MOSMO: variants seen among roughly 807,000 people sequenced by gnomAD.
MOSMO encodes modulator of smoothened.
A neutral mutation model predicts 18.4 loss-of-function variants in MOSMO; 5 were observed. That is an observed-to-expected ratio of 0.27 (90% CI 0.14 to 0.57). MOSMO has a LOEUF of 0.57. Among genes scored for constraint, MOSMO ranks in the 20% least tolerant of loss-of-function variants. The pLI is 0.92. For missense variants in MOSMO, 138 were observed against 211.8 expected (o/e 0.65, Z 2.16); for synonymous variants, 82 against 82.3 (o/e 1.00, Z 0.02).
chr16:22,073,798 G>C (rs988968869), intron 1 of MOSMO, among the ~76,000 whole-genome samples: 1 of 151,740 alleles, frequency 6.6e-6, no homozygotes, highest in Non-Finnish European at 1.5e-5. Flanking sequence ...TTTTTGTGAA[G>C]ATTTGTGTAC....
intron 1 of MOSMO, among the ~76,000 whole-genome samples, chr16:22,057,504 T>A (rs775880408): frequency 3.3e-5 from 5 of 152,240 alleles, no homozygotes; most frequent in Non-Finnish European, 5.9e-5. Flanking sequence ...AATTTTGGGT[T>A]GCACATTGAA....
intron 1 of MOSMO, among the ~76,000 whole-genome samples, chr16:22,061,788 A>T (rs963029404): frequency 6.6e-6 from 1 of 152,206 alleles, no homozygotes; most frequent in Non-Finnish European, 1.5e-5. Context: ...TTAGGAGATC[A>T]TGGCTACCAC....
At chr16:22,019,825 C>T (rs1899716379) in intron 1 of MOSMO, among the ~76,000 whole-genome samples, 1 of 152,118 alleles carries the variant, frequency 6.6e-6, no homozygotes, top group South Asian at 2.1e-4. Flanking sequence ...TTGGCACTCC[C>T]AGTCTTATCT....
chr16:22,026,451 T>C (rs1194302719), intron 1 of MOSMO, among the ~76,000 whole-genome samples: 1 of 152,118 alleles, frequency 6.6e-6, no homozygotes, highest in Non-Finnish European at 1.5e-5. Context: ...ACTCCTGACC[T>C]CAGGTGATCC....
At chr16:22,066,373 G>A (rs1161686413) in intron 1 of MOSMO, among the ~76,000 whole-genome samples, 1 of 152,180 alleles carries the variant, frequency 6.6e-6, no homozygotes, top group African/African-American at 2.4e-5. Context: ...TTGAGGAATA[G>A]AATGTCCATA....
At chr16:22,023,075 C>G (rs1376014356) in intron 1 of MOSMO, among the ~76,000 whole-genome samples, 1 of 152,112 alleles carries the variant, frequency 6.6e-6, no homozygotes, top group African/African-American at 2.4e-5. Context: ...ATGTGAGACT[C>G]TGTTTTTTTA....
chr16:22,066,385 G>A (rs531119937), intron 1 of MOSMO, among the ~76,000 whole-genome samples: 3 of 152,282 alleles, frequency 2.0e-5, no homozygotes, highest in African/African-American at 7.2e-5. Flanking sequence ...ATGTCCATAG[G>A]AGTCTTTGAA....
chr16:22,033,435 T>C (rs1436984628), intron 1 of MOSMO, among the ~76,000 whole-genome samples: 1 of 152,020 alleles, frequency 6.6e-6, no homozygotes, highest in Non-Finnish European at 1.5e-5. Context: ...TCGCCCAGGC[T>C]AGAGTGCAGT....
intron 1 of MOSMO, among the ~76,000 whole-genome samples, chr16:22,013,203 T>C (rs575178665): frequency 5.3e-5 from 8 of 152,318 alleles, no homozygotes; most frequent in African/African-American, 1.7e-4. Flanking sequence ...ATGTTTATAT[T>C]TGGCCAATGT....
chr16:22,020,677 G>C (rs1235801105), intron 1 of MOSMO, among the ~76,000 whole-genome samples: 1 of 152,136 alleles, frequency 6.6e-6, no homozygotes, highest in Non-Finnish European at 1.5e-5. Context: ...TAGATTTCTA[G>C]GCTAGCCCAC....
chr16:22,023,560 C>A (rs1899807527), intron 1 of MOSMO, among the ~76,000 whole-genome samples: 1 of 152,000 alleles, frequency 6.6e-6, no homozygotes, highest in African/African-American at 2.4e-5. Context: ...TTTTTATTAG[C>A]CTAGAATTAA....
chr16:22,038,618 G>A (rs1298008416), intron 1 of MOSMO, among the ~76,000 whole-genome samples: 4 of 152,160 alleles, frequency 2.6e-5, no homozygotes, highest in Non-Finnish European at 5.9e-5. Flanking sequence ...ATAACAAGAA[G>A]GGTCACTTGC....
chr16:22,041,465 CAAAT>C (rs2142003236), intron 1 of MOSMO, among the ~76,000 whole-genome samples: 1 of 152,250 alleles, frequency 6.6e-6, no homozygotes, highest in South Asian at 2.1e-4. Context: ...CATTTTTAAA[CAAAT>C]AACCCTCATC....
intron 1 of MOSMO, among the ~76,000 whole-genome samples, chr16:22,054,996 G>T (rs1462401823): frequency 1.3e-5 from 2 of 151,044 alleles, no homozygotes. Context: ...ATTATGTCTG[G>T]TATAGATGAT....
chr16:22,075,169 C>T, intron 1 of MOSMO: 1 of 393,002 alleles, frequency 2.5e-6, no homozygotes, highest in East Asian at 6.5e-5. Flanking sequence ...CTCATCCTGT[C>T]TGCTGTTATT....
intron 1 of MOSMO, among the ~76,000 whole-genome samples, chr16:22,021,884 A>C (rs528131876): frequency 3.3e-5 from 5 of 152,082 alleles, no homozygotes; most frequent in African/African-American, 9.7e-5. Flanking sequence ...GGCTTTGAGC[A>C]TGTTTCTTGG....
downstream of MOSMO, chr16:22,092,296 TA>T (rs1180025340): frequency 3.9e-6 from 1 of 256,962 alleles, no homozygotes; most frequent in Non-Finnish European, 7.7e-6. Flanking sequence ...TGTACTGGCC[TA>T]AACCATAGTT....
intron 1 of MOSMO, 151 bp from the exon 2 acceptor site, chr16:22,075,336 T>C: frequency 1.4e-6 from 1 of 710,836 alleles, no homozygotes; most frequent in Non-Finnish European, 2.5e-6. Context: ...CGTTATGAAC[T>C]ACAGCAGATG....
intron 1 of MOSMO, among the ~76,000 whole-genome samples, chr16:22,059,293 G>A (rs939564126): frequency 1.3e-5 from 2 of 152,122 alleles, no homozygotes; most frequent in Non-Finnish European, 2.9e-5. Flanking sequence ...TTAGCTGTCT[G>A]TTCAGATGTA....
Sources: gnomAD v4.1 joint callset for allele counts (sites outside exome capture counted in the v4.1 genomes callset) on GRCh38, gnomAD v4.1.1 for gene constraint, MANE v1.5 for transcripts, NCBI Gene and HGNC (gene_info 2026-07-23, HGNC 2026-07-21) for gene names.